PTPRH: variants seen among roughly 807,000 people sequenced by gnomAD.
The protein encoded by PTPRH is protein tyrosine phosphatase receptor type H, also known as receptor-type tyrosine-protein phosphatase H.
Under a neutral mutation model 130.2 loss-of-function variants are expected in PTPRH, and 113 were observed. That is an observed-to-expected ratio of 0.87 (90% CI 0.75 to 1.01). The LOEUF (loss-of-function observed/expected upper bound fraction) is 1.01. Ranked by LOEUF, PTPRH falls within the 50% of genes least tolerant of loss-of-function variation. The pLI is 0.00. For synonymous variants in PTPRH, 556 were observed against 577.9 expected (o/e 0.96, Z 0.54); for missense variants, 1,430 against 1,425.0 (o/e 1.00, Z -0.06).
At chr19:55,200,761 G>A (rs963827056) in intron 6 of PTPRH, among the ~76,000 whole-genome samples, 2 of 151,922 alleles carry the variant, frequency 1.3e-5, no homozygotes, top group Non-Finnish European at 2.9e-5. Flanking sequence ...TGGCTAACAC[G>A]GTGAAACCTG....
chr19:55,196,431 A>C, intron 10 of PTPRH, 91 bp downstream of exon 10: 4 of 1,410,830 alleles, frequency 2.8e-6, no homozygotes, highest in Non-Finnish European at 3.8e-6. Context: ...AATGAGAAAC[A>C]AAAGAGTCCC....
rs2086950721 is a variant in PTPRH, at chr19:55,203,804, C to T, written c.864G>A (p.Val288=). The change falls in exon 5 of 20, where the codon GTG becomes GTA. Residue 288 remains valine (V), a synonymous_variant. Coordinates refer to ENST00000376350, the MANE Select transcript of PTPRH (RefSeq NM_002842.5). The part of the protein sequence containing the change: ...WVEKDGVNSS[V]EIVTSATAPN... ...TACCTGTGGCACTAGTGACAATCTC[C>T]ACAGAGCTATTTACTCCGTCTTTCT... is the stretch of plus-strand genomic sequence containing the variant. 2 of 1,610,548 alleles carry T rather than the reference C, an allele frequency of 1.2e-6. No individual in the cohort carries two copies. Among genetic ancestry groups the T allele is most frequent in the Non-Finnish European group, 1.7e-6 (2 of 1,176,950 alleles).
At position 55,186,000 on chromosome 19, in the gene PTPRH, G is replaced by A. The variant is rs139596765; in HGVS notation, c.2779-16C>T. The A allele has an allele frequency of 8.2e-4, 1,319 of 1,613,810 alleles. 8 individuals are homozygous for A. In the African/African-American group the frequency reaches 0.015, roughly 18 times the overall value. On this transcript the variant is annotated splice_polypyrimidine_tract_variant and intron_variant, in intron 16 of 19. Transcript: ENST00000376350. ...CACACTTCACCTGGGGGAGGAGGAG[G>A]GGTCAGAGAACACAACTCCTCTTAC...
chr19:55,181,828 C>T lies in PTPRH; in HGVS notation c.3274G>A (p.Val1092Ile). ...QSAQAPAEKE[V>I]PYEDVENLIY... ...AGGTTTTCGACATCCTCATACGGGA[C>T]TTCCTTCTCGGCTGGGGCCTGGGCT... The change falls in exon 20 of 20, where the codon GTC (valine) becomes ATC (isoleucine). Residue 1092 changes from valine to isoleucine, a missense_variant. Val to Ile is a conservative substitution (Grantham distance 29). Coordinates refer to ENST00000376350, the MANE Select transcript of PTPRH (RefSeq NM_002842.5). The T allele has an allele frequency of 6.2e-7, 1 of 1,614,208 alleles. No individual in the cohort carries two copies.
At chr19:55,193,454 C>CA in intron 10 of PTPRH, among the ~76,000 whole-genome samples, 2 of 152,006 alleles carry the variant, frequency 1.3e-5, no homozygotes, top group Non-Finnish European at 2.9e-5. Context: ...CGAAACAAAA[C>CA]AAAAAAGTGA....
intron 12 of PTPRH, chr19:55,189,631 C>T (rs1286425000): frequency 4.4e-6 from 2 of 454,564 alleles, no homozygotes; most frequent in Non-Finnish European, 8.8e-6. Flanking sequence ...TAGGCCTGTA[C>T]TCAGATGACT....
chr19:55,197,313 G>A lies in PTPRH; in HGVS notation c.1794C>T (p.Tyr598=). 1 of 1,614,258 alleles carries A rather than the reference G, an allele frequency of 6.2e-7. No individual in the cohort carries two copies. Among genetic ancestry groups the A allele is most frequent in the Non-Finnish European group, 8.5e-7 (1 of 1,180,046 alleles). Residue 598 remains tyrosine (Y), a synonymous_variant, in exon 9 of 20, where the codon TAC becomes TAT. Coordinates refer to ENST00000376350, the MANE Select transcript of PTPRH (RefSeq NM_002842.5). Reference sequence around the variant, plus strand: ...GTCCCTTGCTGGCCCACTGGACCCAGTATACGTACAACTGAGAGTGGGGGT... The same window carrying A: ...GTCCCTTGCTGGCCCACTGGACCCAATATACGTACAACTGAGAGTGGGGGT... ...PGDPHSQLYV[Y]WVQWASKGHP...
At chr19:55,203,305 C>A (rs190606847) in intron 5 of PTPRH, among the ~76,000 whole-genome samples, 5 of 125,158 alleles carry the variant, frequency 4.0e-5, no homozygotes, top group Non-Finnish European at 6.4e-5. Flanking sequence ...CCAGCCTGGG[C>A]GACAGAGGGA....
rs140457556 is a variant in PTPRH, at chr19:55,196,258, C to T, written c.2257+264G>A. On this transcript the variant is annotated intron_variant, in intron 10 of 19. Coordinates refer to ENST00000376350, the MANE Select transcript of PTPRH (RefSeq NM_002842.5). ...CAAAAATTAGCCGGGCGTGGTGGCACGTGCCTGTAGTCCCAGCTACTCAGG... is the reference window on the plus strand; with the variant it reads ...CAAAAATTAGCCGGGCGTGGTGGCATGTGCCTGTAGTCCCAGCTACTCAGG... Among the ~76,000 whole-genome samples, 1,220 of 152,054 alleles carry T rather than the reference C, an allele frequency of 8.0e-3. 6 individuals are homozygous for T. Among genetic ancestry groups the T allele is most frequent in the Non-Finnish European group, 0.014 (943 of 67,998 alleles).
At chr19:55,183,276 C>A (rs1267488393) in intron 18 of PTPRH, among the ~76,000 whole-genome samples, 1 of 149,022 alleles carries the variant, frequency 6.7e-6, no homozygotes, top group Non-Finnish European at 1.5e-5. Context: ...TGGTGGCGGG[C>A]GCCTGTAGTC....
chr19:55,186,659 C>G, intron 14 of PTPRH, 119 bp from the exon 15 acceptor site: 1 of 413,732 alleles, frequency 2.4e-6, no homozygotes, highest in Non-Finnish European at 3.0e-6. Flanking sequence ...GGACAAAAGT[C>G]ATGCCGAGAC....
chr19:55,196,699 C>G lies in PTPRH; in HGVS notation c.2080G>C (p.Glu694Gln). ...CCTCCCACCTCCAACTCAAAGGCCT[C>G]GTAGCCTCCCTGGGGGCAGGACCAG... is the stretch of plus-strand genomic sequence containing the variant. Reference protein sequence around the residue: ...LIWSCPQGGYEAFELEVGGQR... With the variant: ...LIWSCPQGGYQAFELEVGGQR... Residue 694 changes from glutamate (E) to glutamine (Q), a missense_variant, in exon 10 of 20, where the codon GAG becomes CAG. Physicochemically the swap from Glu to Gln is conservative, Grantham distance 29. Transcript: ENST00000376350. 6.2e-7 allele frequency: 1 copy of G among 1,614,078 alleles called. No homozygotes were observed. Among genetic ancestry groups the G allele is most frequent in the African/African-American group, 1.3e-5 (1 of 75,006 alleles).
intron 14 of PTPRH, 55 bp downstream of exon 14, chr19:55,187,458 T>C: frequency 7.2e-7 from 1 of 1,383,232 alleles, no homozygotes. Flanking sequence ...GGGACTGGGG[T>C]GGGGTGCCGA....
At position 55,186,350 on chromosome 19, in the gene PTPRH, T is replaced by C. The variant is rs200493695; in HGVS notation, c.2653A>G (p.Ser885Gly). The C allele has an allele frequency of 1.3e-4, 216 of 1,613,510 alleles. 1 individual carries two copies. The highest frequency in any genetic ancestry group is 4.0e-5 in the African/African-American group (3 of 74,810). ...TGGGTTGCAATGAACTCCTGGGGGC[T>C]CCAGAGACCCTGGTTGAGGAAGGCA... The part of the protein sequence containing the change: ...INASFMPGLW[S>G]PQEFIATQGP... Residue 885 changes from serine (S) to glycine (G), a missense_variant, in exon 16 of 20, where the codon AGC becomes GGC. By Grantham distance (56) the Ser-to-Gly change is moderately conservative. Transcript: ENST00000376350.
intron 14 of PTPRH, among the ~76,000 whole-genome samples, chr19:55,186,913 C>T (rs2365728): frequency 0.093 from 14,187 of 151,922 alleles, 708 homozygotes; most frequent in Middle Eastern, 0.18. Flanking sequence ...GGCATGGTGG[C>T]GGGCGCCTGT....
Position 55,196,630 on chromosome 19 carries a change from A to T in PTPRH, c.2149T>A (p.Ser717Thr), listed in dbSNP as rs2086688562. The T allele has an allele frequency of 6.2e-7, 1 of 1,614,012 alleles. No homozygotes were observed. Among genetic ancestry groups the T allele is most frequent in the South Asian group, 1.1e-5 (1 of 91,058 alleles). The stretch of plus-strand genomic sequence containing the variant: ...CGAGCCGGCCCGAGACCCAACACAG[A>T]CACAGCCTCCCCACATGAAGATCTG... ...QDRSSCGEAV[S>T]VLGLGPARSY... Residue 717 changes from serine to threonine, a missense_variant, in exon 10 of 20, where the codon TCT (serine) becomes ACT (threonine). Coordinates refer to ENST00000376350, the MANE Select transcript of PTPRH (RefSeq NM_002842.5).
chr19:55,187,207 A>T lies in PTPRH; in HGVS notation c.2566+306T>A, dbSNP rs370246245. ...AAAAATACAAAAAATTAGCCGGGCG[A>T]GGTGGCGGGCACCTGTAGTCCCAGC... is the stretch of plus-strand genomic sequence containing the variant. On this transcript the variant is annotated intron_variant, in intron 14 of 19. Coordinates refer to ENST00000376350, the MANE Select transcript of PTPRH (RefSeq NM_002842.5). Among the ~76,000 whole-genome samples, 420 of 142,354 alleles carry T rather than the reference A, an allele frequency of 3.0e-3. 1 individual carries two copies. The highest frequency in any genetic ancestry group is 7.9e-3 in the African/African-American group (300 of 38,142). 93.4% of individuals were successfully genotyped at this position (142,354 alleles called of 152,430 possible).
chr19:55,200,800 G>A (rs972084192), intron 6 of PTPRH, among the ~76,000 whole-genome samples: 15 of 152,144 alleles, frequency 9.9e-5, no homozygotes, highest in African/African-American at 3.1e-4. Context: ...AAAATTAGCC[G>A]GGCGTGGTGG....
intron 10 of PTPRH, among the ~76,000 whole-genome samples, chr19:55,195,979 G>A (rs906871982): frequency 6.6e-6 from 1 of 152,100 alleles, no homozygotes; most frequent in Non-Finnish European, 1.5e-5. Flanking sequence ...ACTAGGGGGT[G>A]GTGGCTCAGC....
Sources: allele counts gnomAD v4.1 joint callset (sites outside exome capture counted in the v4.1 genomes callset), GRCh38; gene constraint gnomAD v4.1.1; transcripts MANE v1.5; gene names NCBI Gene and HGNC (gene_info 2026-07-23, HGNC 2026-07-21).